LIMCH1: variants seen among roughly 807,000 people sequenced by gnomAD.
The protein encoded by LIMCH1 is LIM and calponin homology domains-containing protein 1.
A neutral mutation model predicts 176.5 loss-of-function variants in LIMCH1; 113 were observed. That is an observed-to-expected ratio of 0.64 (90% CI 0.55 to 0.75). The LOEUF (loss-of-function observed/expected upper bound fraction) is 0.75. Among genes scored for constraint, LIMCH1 ranks in the 30% least tolerant of loss-of-function variants. The probability of loss-of-function intolerance (pLI) is 0.00; values close to 1 mark genes in which losing one functional copy is unlikely to be tolerated. For missense variants in LIMCH1, 1,674 were observed against 1,814.9 expected, an observed-to-expected ratio of 0.92 and a Z score of 1.41; for synonymous variants, 619 against 645.9, an observed-to-expected ratio of 0.96 and a Z score of 0.63.
At chr4:41,557,057 T>A (rs2081367430) in intron 1 of LIMCH1, among the ~76,000 whole-genome samples, 1 of 152,176 alleles carries the variant, frequency 6.6e-6, no homozygotes. Context: ...GGAATCTATC[T>A]CTATTTCTTT....
At chr4:41,630,429 G>A (rs2093255731) in intron 9 of LIMCH1, among the ~76,000 whole-genome samples, 1 of 152,134 alleles carries the variant, frequency 6.6e-6, no homozygotes, top group South Asian at 2.1e-4. Flanking sequence ...TTCTAAGAAT[G>A]TTTATTTATT....
intron 1 of LIMCH1, among the ~76,000 whole-genome samples, chr4:41,464,919 T>C (rs2065907280): frequency 6.6e-6 from 1 of 152,222 alleles, no homozygotes; most frequent in Admixed American, 6.5e-5. Context: ...AGGGTGAATC[T>C]ACTCCCTCAT....
At chr4:41,361,038 C>A in intron 1 of LIMCH1, 1 of 727,924 alleles carries the variant, frequency 1.4e-6, no homozygotes, top group Non-Finnish European at 2.1e-6. Context: ...CCCAACCGCC[C>A]CCACTTTCTT....
chr4:41,690,733 C>T (rs1724891900), intron 30 of LIMCH1, among the ~76,000 whole-genome samples: 1 of 152,160 alleles, frequency 6.6e-6, no homozygotes, highest in African/African-American at 2.4e-5. Context: ...ACAGTAATCA[C>T]TTGAAAGCAA....
intron 1 of LIMCH1, among the ~76,000 whole-genome samples, chr4:41,398,906 A>G (rs1052720872): frequency 2.6e-5 from 4 of 152,128 alleles, no homozygotes; most frequent in African/African-American, 9.7e-5. Flanking sequence ...AACAACCCCA[A>G]ATGCCTAACA....
intron 1 of LIMCH1, among the ~76,000 whole-genome samples, chr4:41,459,591 T>G (rs1330229619): frequency 2.0e-5 from 3 of 152,178 alleles, no homozygotes; most frequent in Non-Finnish European, 4.4e-5. Flanking sequence ...TGTGAGCCAC[T>G]GTGCACAGCC....
intron 1 of LIMCH1, among the ~76,000 whole-genome samples, chr4:41,541,246 G>C (rs1203744915): frequency 9.2e-5 from 14 of 152,172 alleles, no homozygotes; most frequent in Non-Finnish European, 1.8e-4. Context: ...TAAAATAAGA[G>C]CCATAGCTTA....
At chr4:41,585,802 C>A (rs995021592) in intron 1 of LIMCH1, among the ~76,000 whole-genome samples, 11 of 152,122 alleles carry the variant, frequency 7.2e-5, no homozygotes, top group African/African-American at 2.7e-4. Context: ...ACTTCCAACT[C>A]ATCTCAGACT....
At chr4:41,386,511 T>C (rs1362022391) in intron 1 of LIMCH1, among the ~76,000 whole-genome samples, 1 of 152,242 alleles carries the variant, frequency 6.6e-6, no homozygotes, top group African/African-American at 2.4e-5. Flanking sequence ...CTCTAATTAT[T>C]GAAGAATCTA....
intron 1 of LIMCH1, among the ~76,000 whole-genome samples, chr4:41,561,990 T>A (rs1296359488): frequency 6.6e-6 from 1 of 152,218 alleles, no homozygotes; most frequent in African/African-American, 2.4e-5. Context: ...CGTCTCACCC[T>A]CTTTCATAGG....
rs775549977 is a variant in LIMCH1, at chr4:41,626,719, T to G, written c.737T>G (p.Leu246Ter). ...AAQRFASQKQ[L>*]SEEKEAIRDI... is the part of the protein sequence containing the mutation. ...TTTTCCCCTATCAGTCAAAAACAAT[T>G]AAGTGAAGAGAAAGAAGCTATTCGT... Residue 246 changes from leucine (L) to a stop codon, truncating the protein, a stop_gained, in exon 8 of 32, where the codon TTA (leucine) becomes TGA (stop). Coordinates refer to ENST00000503057, the MANE Select transcript of LIMCH1 (RefSeq NM_001330672.2). LOFTEE classifies it high-confidence loss of function. 96 of 1,535,612 alleles carry G rather than the reference T, an allele frequency of 6.3e-5. No individual in the cohort carries two copies. The highest frequency in any genetic ancestry group is 8.4e-5 in the Non-Finnish European group (96 of 1,146,434).
intron 1 of LIMCH1, among the ~76,000 whole-genome samples, chr4:41,405,382 G>A (rs7696347): frequency 0.066 from 10,035 of 152,170 alleles, 663 homozygotes; most frequent in South Asian, 0.18. Context: ...TCTGCGTAAT[G>A]AGTAAAATTA....
intron 1 of LIMCH1, among the ~76,000 whole-genome samples, chr4:41,478,753 C>T (rs1043942264): frequency 2.6e-5 from 4 of 152,270 alleles, no homozygotes; most frequent in South Asian, 2.1e-4. Context: ...TCATTGGTAA[C>T]GTCATGTCGA....
chr4:41,561,867 C>G lies in LIMCH1; in HGVS notation c.-241+23517C>G, dbSNP rs1412587125. On this transcript the variant is annotated intron_variant, in intron 1 of 31. Transcript: ENST00000503057. ...TAGACGGATGTCACAAGAGCATGCA[C>G]TTCAGTAAACATTTGCTTGAAAATG... Among the ~76,000 whole-genome samples the G allele has an allele frequency of 2.0e-5, 3 of 152,264 alleles. No homozygotes were observed. In the East Asian group the frequency reaches 5.8e-4, roughly 29 times the overall value.
intron 28 of LIMCH1, 35 bp from the exon 29 acceptor site, chr4:41,687,805 T>C (rs1220261541): frequency 7.2e-7 from 1 of 1,391,500 alleles, no homozygotes; most frequent in Admixed American, 1.7e-5. Context: ...TTCTCTTTGC[T>C]TGTCATAATT....
intron 2 of LIMCH1, 90 bp from the exon 3 acceptor site, chr4:41,603,785 C>A: frequency 3.5e-6 from 3 of 859,198 alleles, no homozygotes; most frequent in Non-Finnish European, 5.8e-6. Flanking sequence ...TATATGTTAG[C>A]TTCAAGTACA....
chr4:41,680,097 A>C lies in LIMCH1; in HGVS notation c.3611A>C (p.Glu1204Ala), dbSNP rs781063734. 6 of 1,595,826 alleles carry C rather than the reference A, an allele frequency of 3.8e-6. No homozygotes were observed. In the Admixed American group the frequency reaches 8.7e-5, roughly 23 times the overall value. The change falls in exon 24 of 32, where the codon GAG becomes GCG. Residue 1204 changes from glutamate to alanine, a missense_variant and splice_region_variant. Glu to Ala is a moderately radical substitution (Grantham distance 107). Around this residue, in one of 3 missense-constraint regions of LIMCH1, gnomAD observed 1,015 missense variants for 1,102.5 expected, o/e 0.92. Coordinates refer to ENST00000503057, the MANE Select transcript of LIMCH1 (RefSeq NM_001330672.2). ...VEEEERRYYE[E>A]ERKIIEDTVV... ...GAGGAAGAACGCAGATACTATGAGG[A>C]GGTAGGAAATTCCCAAGAAGGAATT...
rs146872106 is a variant in LIMCH1 at position 41,646,231 on chromosome 4, A to G, written c.2362A>G (p.Ser788Gly). ...EKLLAGEDGT[S>G]ERRKSIKTYR... is the part of the protein sequence containing the mutation. The stretch of plus-strand genomic sequence containing the variant: ...GTTACTGGCTGGAGAAGATGGGACA[A>G]GTGAACGAAGGAAAAGCATCAAAAC... Residue 788 changes from serine to glycine, a missense_variant, in exon 16 of 32, where the codon AGT becomes GGT. By Grantham distance (56) the Ser-to-Gly change is moderately conservative. Transcript: ENST00000503057. The G allele has an allele frequency of 2.5e-6, 4 of 1,613,558 alleles. No homozygotes were observed. Among genetic ancestry groups the G allele is most frequent in the Middle Eastern group, 1.7e-4 (1 of 6,058 alleles).
chr4:41,488,558 T>C (rs1056766194), intron 1 of LIMCH1, among the ~76,000 whole-genome samples: 3 of 152,224 alleles, frequency 2.0e-5, no homozygotes, highest in African/African-American at 7.2e-5. Context: ...GAGTGGTTAA[T>C]GAGCATGTTT....
Sources: allele counts gnomAD v4.1 joint callset (sites outside exome capture counted in the v4.1 genomes callset), GRCh38; gene constraint gnomAD v4.1.1; regional missense constraint gnomAD v4.1.1; transcripts MANE v1.5; gene names NCBI Gene and HGNC (gene_info 2026-07-23, HGNC 2026-07-21).